Variants in RIGI observed in about 807,000 individuals in gnomAD.
RIGI encodes the protein antiviral innate immune response receptor RIG-I.
chr9:32,472,947 C>G, the RIGI span: 2 of 1,531,430 alleles, frequency 1.3e-6, no homozygotes, highest in East Asian at 2.3e-5. Context: ...GCATAATCCA[C>G]TAAATCTAAT....
At chr9:32,455,785 T>G in the RIGI span, 1 of 152,246 alleles carries the variant, frequency 6.6e-6, no homozygotes, top group African/African-American at 2.4e-5. Context: ...TACTGTGTCA[T>G]GTACTTTTCA....
the RIGI span, among the ~76,000 whole-genome samples, chr9:32,484,958 G>A: frequency 6.6e-6 from 1 of 152,132 alleles, no homozygotes; most frequent in African/African-American, 2.4e-5. Flanking sequence ...AGGTGCATGT[G>A]TCTGGATGAA....
the RIGI span, chr9:32,492,392 T>C: frequency 1.2e-6 from 2 of 1,614,108 alleles, no homozygotes; most frequent in African/African-American, 1.3e-5. Context: ...GTGTCTTACC[T>C]TTCTCTACAA....
chr9:32,457,448 A>C, the RIGI span: 1 of 1,587,902 alleles, frequency 6.3e-7, no homozygotes, highest in Non-Finnish European at 8.6e-7. Flanking sequence ...ATAACACACA[A>C]AAGAGAACGT....
At chr9:32,486,212 G>A in the RIGI span, among the ~76,000 whole-genome samples, 3 of 152,056 alleles carry the variant, frequency 2.0e-5, no homozygotes, top group African/African-American at 7.2e-5. Flanking sequence ...AACACTTTGG[G>A]AGGCCGAGGA....
At chr9:32,521,817 G>C in the RIGI span, among the ~76,000 whole-genome samples, 2 of 152,010 alleles carry the variant, frequency 1.3e-5, no homozygotes, top group African/African-American at 2.4e-5. Flanking sequence ...CAGTAATGAT[G>C]ATTATTATGT....
At chr9:32,507,014 G>A in the RIGI span, among the ~76,000 whole-genome samples, 2 of 152,146 alleles carry the variant, frequency 1.3e-5, no homozygotes, top group Non-Finnish European at 2.9e-5. Context: ...TCTGCTAGAA[G>A]TTACTCAAAA....
At chr9:32,506,230 A>G in the RIGI span, among the ~76,000 whole-genome samples, 2 of 152,176 alleles carry the variant, frequency 1.3e-5, no homozygotes, top group African/African-American at 4.8e-5. Flanking sequence ...TCAATCAATC[A>G]ATCAATCCAT....
chr9:32,513,858 C>A, the RIGI span, among the ~76,000 whole-genome samples: 1 of 152,152 alleles, frequency 6.6e-6, no homozygotes, highest in Non-Finnish European at 1.5e-5. Flanking sequence ...CCAGAATCTA[C>A]AAGGAACTTA....
the RIGI span, among the ~76,000 whole-genome samples, chr9:32,514,869 A>C: frequency 6.6e-6 from 1 of 152,194 alleles, no homozygotes; most frequent in African/African-American, 2.4e-5. Context: ...AATTTTTTTC[A>C]GTTCCCATTG....
the RIGI span, among the ~76,000 whole-genome samples, chr9:32,470,313 A>G: frequency 2.6e-4 from 39 of 152,356 alleles, 1 homozygote; most frequent in East Asian, 6.6e-3. Context: ...AACTTTTTCC[A>G]TAAGGGCTAG....
At chr9:32,476,511 G>A in the RIGI span, among the ~76,000 whole-genome samples, 2 of 151,334 alleles carry the variant, frequency 1.3e-5, no homozygotes, top group African/African-American at 2.4e-5. Flanking sequence ...TCTCTAAGTG[G>A]GGGAAAAAAA....
chr9:32,460,012 T>C, the RIGI span, among the ~76,000 whole-genome samples: 6 of 152,174 alleles, frequency 3.9e-5, no homozygotes, highest in African/African-American at 1.4e-4. Flanking sequence ...CCACGTGTTA[T>C]GGGAGGGACC....
At chr9:32,490,535 T>G in the RIGI span, among the ~76,000 whole-genome samples, 3,005 of 152,258 alleles carry the variant, frequency 0.02, 108 homozygotes, top group African/African-American at 0.068. Context: ...ACTTGTAACA[T>G]TCAGTTGCAG....
the RIGI span, chr9:32,489,467 A>C: frequency 6.4e-7 from 1 of 1,557,286 alleles, no homozygotes; most frequent in Non-Finnish European, 8.9e-7. Flanking sequence ...ATACAAAAGG[A>C]GCAAAATTAC....
At chr9:32,492,492 T>C in the RIGI span, 1 of 1,614,182 alleles carries the variant, frequency 6.2e-7, no homozygotes, top group East Asian at 2.2e-5. Context: ...GAGAAGGCAT[T>C]CCACCAATTT....
chr9:32,460,160 A>G, the RIGI span, among the ~76,000 whole-genome samples: 9 of 152,174 alleles, frequency 5.9e-5, no homozygotes, highest in Non-Finnish European at 1.3e-4. Context: ...TGCCGCTGCC[A>G]TGTAAGAAGT....
chr9:32,487,675 T>C, the RIGI span: 1 of 1,600,118 alleles, frequency 6.2e-7, no homozygotes, highest in Non-Finnish European at 8.5e-7. Flanking sequence ...TGAGAAATGG[T>C]ACAATGTTTC....
the RIGI span, among the ~76,000 whole-genome samples, chr9:32,499,325 T>TTTTG: frequency 5.3e-5 from 8 of 149,606 alleles, no homozygotes; most frequent in African/African-American, 2.0e-4. Flanking sequence ...TGTTTTTTTT[T>TTTTG]TTTTTTTTTT....
Sources: allele counts gnomAD v4.1 joint callset (sites outside exome capture counted in the v4.1 genomes callset), GRCh38; gene constraint gnomAD v4.1.1; transcripts MANE v1.5; gene names NCBI Gene and HGNC (gene_info 2026-07-23, HGNC 2026-07-21).